The following PRKCZ variants were observed in gnomAD, a reference collection of about 807,000 sequenced individuals.
PRKCZ encodes the protein protein kinase C zeta type.
Under a neutral mutation model 79.5 loss-of-function variants are expected in PRKCZ, and 33 were observed. The ratio of observed to expected loss-of-function variants is 0.41; its 90% confidence interval spans 0.31 to 0.55. The LOEUF (loss-of-function observed/expected upper bound fraction) is 0.55, where lower values mean the gene tolerates loss of function less well. Among genes scored for constraint, PRKCZ ranks in the 20% least tolerant of loss-of-function variants. PRKCZ has a pLI of 0.19. For synonymous variants in PRKCZ, 342 were observed against 320.9 expected (o/e 1.07, Z -0.70); for missense variants, 578 against 813.5 (o/e 0.71, Z 3.52).
intron 10 of PRKCZ, among the ~76,000 whole-genome samples, chr1:2,163,291 CAG>C (rs1557713601): frequency 6.6e-6 from 1 of 152,222 alleles, no homozygotes; most frequent in Non-Finnish European, 1.5e-5. Flanking sequence ...AGAGGAGAGA[CAG>C]GGGCTCTGCC....
chr1:2,091,838 C>T (rs991642845), intron 4 of PRKCZ, among the ~76,000 whole-genome samples: 20 of 152,170 alleles, frequency 1.3e-4, no homozygotes, highest in African/African-American at 7.2e-5. Context: ...TGACCCCAGG[C>T]GGGAGGACAG....
Position 2,151,356 on chromosome 1 carries a change from A to G in PRKCZ, c.876+378A>G, listed in dbSNP as rs189185717. 3.5e-4 allele frequency among the ~76,000 whole-genome samples: 54 copies of G among 152,340 alleles called. 1 individual carries two copies. The highest frequency in any genetic ancestry group is 2.9e-3 in the Admixed American group (44 of 15,304). ...CACGTGTCTAAGCTTAGAAAAGGTG[A>G]AGATGGGTATCGTGGTCTCTGCAAC... On this transcript the variant is annotated intron_variant, in intron 9 of 17. Coordinates refer to ENST00000378567, the MANE Select transcript of PRKCZ (RefSeq NM_002744.6).
intron 5 of PRKCZ, 164 bp from the exon 6 acceptor site, chr1:2,144,046 C>T (rs1333388360): frequency 3.0e-6 from 3 of 1,009,094 alleles, no homozygotes; most frequent in African/African-American, 3.3e-5. Flanking sequence ...AGGAGGCTCT[C>T]AAGCTTGGGC....
chr1:2,056,519 G>A lies in PRKCZ; in HGVS notation c.229G>A (p.Glu77Lys), dbSNP rs1660178158. The change falls in exon 3 of 18, where the codon GAA becomes AAA. Residue 77 changes from glutamate to lysine, a missense_variant. Physicochemically the swap from Glu to Lys is moderately conservative, Grantham distance 56 (BLOSUM62 1). Around this residue, in one of 4 missense-constraint regions of PRKCZ, gnomAD observed 228 missense variants for 211.6 expected, o/e 1.08. Coordinates refer to ENST00000378567, the MANE Select transcript of PRKCZ (RefSeq NM_002744.6). Reference sequence around the variant, plus strand: ...CACGGTGTCCTCCCAGATGGAGCTGGAAGAGGCTTTCCGCCTGGCCCGTCA... The same window carrying A: ...CACGGTGTCCTCCCAGATGGAGCTGAAAGAGGCTTTCCGCCTGGCCCGTCA... Reference protein sequence around the residue: ...PCTVSSQMELEEAFRLARQCR... With the variant: ...PCTVSSQMELKEAFRLARQCR... 2 of 1,614,038 alleles carry A rather than the reference G, an allele frequency of 1.2e-6. No homozygotes were observed. Among genetic ancestry groups the A allele is most frequent in the Non-Finnish European group, 1.7e-6 (2 of 1,179,994 alleles).
Position 2,050,638 on chromosome 1 carries a change from G to A in PRKCZ, c.8G>A (p.Ser3Asn). The A allele has an allele frequency of 8.2e-7, 1 of 1,225,864 alleles. No individual in the cohort carries two copies. The highest frequency in any genetic ancestry group is 3.2e-5 in the East Asian group (1 of 31,376). 75.9% of individuals were successfully genotyped at this position (1,225,864 alleles called of 1,614,324 possible). ...CGGCGGGGGGAGCGCGCCATGCCCA[G>A]CAGGACCGGCCCCAAGATGGAAGGG... MP[S>N]RTGPKMEGSG... The change falls in exon 1 of 18, where the codon AGC (serine) becomes AAC (asparagine). Residue 3 changes from serine (S) to asparagine (N), a missense_variant. Coordinates refer to ENST00000378567, the MANE Select transcript of PRKCZ (RefSeq NM_002744.6).
chr1:2,089,396 C>T (rs748719677), intron 4 of PRKCZ, among the ~76,000 whole-genome samples: 8 of 152,096 alleles, frequency 5.3e-5, no homozygotes, highest in Non-Finnish European at 8.8e-5. Context: ...TCGGGGTCTG[C>T]GTTCATTTGC....
Position 2,117,997 on chromosome 1 carries a change from T to TC in PRKCZ, c.335-17264dup, listed in dbSNP as rs201109936. Among the ~76,000 whole-genome samples the TC allele has an allele frequency of 1.0e-4, 8 of 79,350 alleles. No homozygotes were observed. In the South Asian group the frequency reaches 1.3e-3, roughly 13 times the overall value. 52.1% of individuals were successfully genotyped at this position (79,350 alleles called of 152,430 possible). ...TTATGAGAGAGATTAGCCTATTATT[T>TC]CTTTTTTTTTTTTTTTTGGAGTCTC... On this transcript the variant is annotated intron_variant, in intron 4 of 17. Coordinates refer to ENST00000378567, the MANE Select transcript of PRKCZ (RefSeq NM_002744.6).
intron 4 of PRKCZ, among the ~76,000 whole-genome samples, chr1:2,066,440 T>C (rs1028777600): frequency 3.3e-5 from 5 of 152,168 alleles, no homozygotes; most frequent in Non-Finnish European, 4.4e-5. Context: ...CCTCCTGGGT[T>C]CAAGTGATTC....
At chr1:2,051,545 G>T (rs943113948) in intron 1 of PRKCZ, among the ~76,000 whole-genome samples, 1 of 152,224 alleles carries the variant, frequency 6.6e-6, no homozygotes, top group South Asian at 2.1e-4. Flanking sequence ...AGAGAGGGAG[G>T]GGAGCAGAAT....
At chr1:2,118,757 G>GTGTGTGTGT (rs1557604805) in intron 4 of PRKCZ, among the ~76,000 whole-genome samples, 1 of 124,084 alleles carries the variant, frequency 8.1e-6, no homozygotes, top group South Asian at 2.3e-4. Context: ...GTGTGTGTGA[G>GTGTGTGTGT]ATGAGGGGAG....
At chr1:2,060,017 G>A (rs1343170599) in intron 4 of PRKCZ, among the ~76,000 whole-genome samples, 1 of 152,216 alleles carries the variant, frequency 6.6e-6, no homozygotes, top group Admixed American at 6.5e-5. Flanking sequence ...GGGAGAGGAA[G>A]GAGAGTGAGT....
rs1319583212 is a variant in PRKCZ at position 2,050,581 on chromosome 1, T to C, written c.-50T>C. The C allele has an allele frequency of 5.2e-6, 6 of 1,154,774 alleles. No individual in the cohort carries two copies. The highest frequency in any genetic ancestry group is 6.7e-5 in the East Asian group (2 of 29,980). The allele number at this position is 1,154,774 out of a possible 1,614,324, so 71.5% of individuals were successfully genotyped here. A position where few individuals can be genotyped will look rare whatever the true frequency, so the allele number is the denominator to read the frequency against. ...CACCTGGAGCCCCCGCCCCGCGCCATGGCCGGAGCTCCCGGGGCGCAGCGC... is the reference window on the plus strand; with the variant it reads ...CACCTGGAGCCCCCGCCCCGCGCCACGGCCGGAGCTCCCGGGGCGCAGCGC... On this transcript the variant is annotated 5_prime_UTR_variant, in exon 1 of 18. An upstream start codon of the reference 5' UTR is lost. Coordinates refer to ENST00000378567, the MANE Select transcript of PRKCZ (RefSeq NM_002744.6).
Position 2,172,656 on chromosome 1 carries a change from C to T in PRKCZ, c.1285+268C>T, listed in dbSNP as rs1684653536. ...CCGGGGCACAGGGAGGGGAAAGACACAGAAAGCGGGGGTGGGACAGGGTGC... is the reference window on the plus strand; with the variant it reads ...CCGGGGCACAGGGAGGGGAAAGACATAGAAAGCGGGGGTGGGACAGGGTGC... On this transcript the variant is annotated intron_variant, in intron 13 of 17. Transcript: ENST00000378567. This position sits in a 1 kb window ranked among gnomAD's most constrained non-coding sequence, Gnocchi z 7.8. 1.3e-5 allele frequency among the ~76,000 whole-genome samples: 2 copies of T among 152,160 alleles called. No homozygotes were observed. Among genetic ancestry groups the T allele is most frequent in the Admixed American group, 6.5e-5 (1 of 15,286 alleles).
At chr1:2,074,716 T>G in intron 4 of PRKCZ, 1 of 225,194 alleles carries the variant, frequency 4.4e-6, no homozygotes, top group Non-Finnish European at 8.7e-6. Context: ...CCTCGGATGG[T>G]GGCGAGGAGC....
Position 2,094,029 on chromosome 1 carries a change from A to G in PRKCZ, c.334+34438A>G, listed in dbSNP as rs1665981748. Among the ~76,000 whole-genome samples the G allele has an allele frequency of 6.6e-6, 1 of 152,162 alleles. No individual in the cohort carries two copies. The highest frequency in any genetic ancestry group is 2.4e-5 in the African/African-American group (1 of 41,418). ...TGTGTCTGCTCCCTGCGGCACGTCCACAGCACCTGCCAGCCCACTTTGGGT... is the reference window on the plus strand; with the variant it reads ...TGTGTCTGCTCCCTGCGGCACGTCCGCAGCACCTGCCAGCCCACTTTGGGT... On this transcript the variant is annotated intron_variant, in intron 4 of 17. Transcript: ENST00000378567. The surrounding 1 kb of genome is among the most constrained non-coding windows in gnomAD (Gnocchi z 7.3).
At chr1:2,104,013 C>T (rs181421652) in intron 4 of PRKCZ, among the ~76,000 whole-genome samples, 48 of 152,328 alleles carry the variant, frequency 3.2e-4, no homozygotes, top group Admixed American at 3.0e-3. Flanking sequence ...ATGACAGCAC[C>T]GCACGCAGAC....
chr1:2,089,603 G>A lies in PRKCZ; in HGVS notation c.334+30012G>A, dbSNP rs1665133516. 3.3e-5 allele frequency among the ~76,000 whole-genome samples: 5 copies of A among 152,270 alleles called. No individual in the cohort carries two copies. The South Asian group carries it at 1.0e-3, about 32-fold the overall frequency. On this transcript the variant is annotated intron_variant, in intron 4 of 17. Transcript: ENST00000378567. ...CGAACAAACACTCTGGGGTCCCTTTGAAAAGCACTATTAATCCCATTCCGG... is the reference window on the plus strand; with the variant it reads ...CGAACAAACACTCTGGGGTCCCTTTAAAAAGCACTATTAATCCCATTCCGG...
intron 4 of PRKCZ, among the ~76,000 whole-genome samples, chr1:2,060,350 G>T (rs897533033): frequency 6.6e-6 from 1 of 152,248 alleles, no homozygotes; most frequent in Non-Finnish European, 1.5e-5. Flanking sequence ...CTGGATGCTG[G>T]GTGTTGGCAG....
chr1:2,061,100 C>T (rs769994223), intron 4 of PRKCZ, among the ~76,000 whole-genome samples: 2 of 152,210 alleles, frequency 1.3e-5, no homozygotes, highest in Non-Finnish European at 2.9e-5. Flanking sequence ...ACCCACGGGC[C>T]GTGTTTATTT....
Sources: allele counts gnomAD v4.1 joint callset (sites outside exome capture counted in the v4.1 genomes callset), GRCh38; gene constraint gnomAD v4.1.1; regional missense constraint gnomAD v4.1.1; non-coding constraint Gnocchi (gnomAD v3.1); transcripts MANE v1.5; gene names NCBI Gene and HGNC (gene_info 2026-07-23, HGNC 2026-07-21).